MACROD2: variants seen among roughly 807,000 people sequenced by gnomAD.
The protein encoded by MACROD2 is ADP-ribose glycohydrolase MACROD2.
Under a neutral mutation model 70.4 loss-of-function variants are expected in MACROD2, and 36 were observed. The observed-to-expected ratio is 0.51, with a 90% CI of 0.39 to 0.68. The LOEUF is 0.68. Among genes scored for constraint, MACROD2 ranks in the 30% least tolerant of loss-of-function variants. The pLI is 0.00. For synonymous variants in MACROD2, 172 were observed against 178.8 expected (o/e 0.96, Z 0.30); for missense variants, 496 against 538.4 (o/e 0.92, Z 0.78).
intron 3 of MACROD2, among the ~76,000 whole-genome samples, chr20:14,479,329 C>G (rs1449917543): frequency 2.0e-5 from 3 of 152,124 alleles, no homozygotes; most frequent in Admixed American, 6.5e-5. Flanking sequence ...TGTCCTGTGT[C>G]TTCTGGTAGG....
intron 8 of MACROD2, among the ~76,000 whole-genome samples, chr20:15,766,595 A>C (rs889763785): frequency 1.3e-5 from 2 of 152,148 alleles, no homozygotes; most frequent in African/African-American, 4.8e-5. Context: ...CTCAAACCCC[A>C]GGAAGGGTGG....
At chr20:14,847,425 A>G (rs530727638) in intron 5 of MACROD2, among the ~76,000 whole-genome samples, 1 of 151,720 alleles carries the variant, frequency 6.6e-6, no homozygotes, top group African/African-American at 2.4e-5. Context: ...CAAGGAATTG[A>G]AGTTATCTTT....
At chr20:14,536,821 T>A (rs375087583) in intron 4 of MACROD2, among the ~76,000 whole-genome samples, 1 of 152,208 alleles carries the variant, frequency 6.6e-6, no homozygotes, top group South Asian at 2.1e-4. Context: ...TTGGTGCCCA[T>A]CTGCAGTAAA....
intron 3 of MACROD2, among the ~76,000 whole-genome samples, chr20:14,111,875 A>C (rs748603593): frequency 6.6e-6 from 1 of 152,054 alleles, no homozygotes; most frequent in Non-Finnish European, 1.5e-5. Context: ...AAAGAAAGGA[A>C]ATTGGTATAT....
chr20:14,757,622 A>C (rs935848233), intron 5 of MACROD2: 1 of 1,190,196 alleles, frequency 8.4e-7, no homozygotes, highest in Non-Finnish European at 1.2e-6. Context: ...GGAGGGAGTC[A>C]TGGTGGCCAA....
chr20:14,720,045 A>G (rs1471186599), intron 5 of MACROD2, among the ~76,000 whole-genome samples: 1 of 152,186 alleles, frequency 6.6e-6, no homozygotes, highest in Non-Finnish European at 1.5e-5. Flanking sequence ...CACTTTCTTG[A>G]AAAGCAATTG....
At chr20:15,713,148 T>A (rs2050653242) in intron 8 of MACROD2, among the ~76,000 whole-genome samples, 1 of 152,208 alleles carries the variant, frequency 6.6e-6, no homozygotes, top group Admixed American at 6.5e-5. Flanking sequence ...TGAGAATGTT[T>A]AAAAATATAT....
intron 4 of MACROD2, among the ~76,000 whole-genome samples, chr20:14,684,175 T>C (rs138755924): frequency 6.6e-6 from 1 of 152,146 alleles, no homozygotes; most frequent in Admixed American, 6.5e-5. Flanking sequence ...CAAGTGAGAG[T>C]AAGGGGTGGT....
chr20:14,666,836 T>C (rs146645031), intron 4 of MACROD2, among the ~76,000 whole-genome samples: 2 of 151,954 alleles, frequency 1.3e-5, no homozygotes, highest in East Asian at 3.9e-4. Flanking sequence ...CTGACAGGAA[T>C]GGTAGATTTA....
intron 7 of MACROD2, among the ~76,000 whole-genome samples, chr20:15,468,807 A>G (rs2146430100): frequency 6.6e-6 from 1 of 152,308 alleles, no homozygotes; most frequent in East Asian, 1.9e-4. Flanking sequence ...CTCCATGCAA[A>G]GTATCACTCT....
intron 5 of MACROD2, among the ~76,000 whole-genome samples, chr20:14,949,997 A>AT (rs895961049): frequency 1.3e-5 from 2 of 151,936 alleles, no homozygotes; most frequent in Non-Finnish European, 2.9e-5. Flanking sequence ...CAAATACAAT[A>AT]TTTTTTTTAG....
intron 3 of MACROD2, among the ~76,000 whole-genome samples, chr20:14,313,893 G>C (rs2082589516): frequency 6.6e-6 from 1 of 152,148 alleles, no homozygotes; most frequent in African/African-American, 2.4e-5. Flanking sequence ...GCAACATGCT[G>C]TTATAGTTAA....
At chr20:15,174,778 GT>G (rs1382315296) in intron 5 of MACROD2, among the ~76,000 whole-genome samples, 3 of 152,152 alleles carry the variant, frequency 2.0e-5, no homozygotes, top group Admixed American at 6.5e-5. Context: ...TTTTTCATGT[GT>G]TTTTTTGGCT....
chr20:14,045,759 A>G (rs1392866353), intron 2 of MACROD2, among the ~76,000 whole-genome samples: 1 of 148,218 alleles, frequency 6.7e-6, no homozygotes. Context: ...ATGTTTCAAA[A>G]GAATTAAAAG....
At chr20:15,098,859 T>C (rs1321362899) in intron 5 of MACROD2, among the ~76,000 whole-genome samples, 1 of 152,202 alleles carries the variant, frequency 6.6e-6, no homozygotes, top group African/African-American at 2.4e-5. Flanking sequence ...GAGCCAAAGC[T>C]CAGAAGTGAA....
At chr20:15,569,814 A>G (rs1390203303) in intron 8 of MACROD2, among the ~76,000 whole-genome samples, 3 of 152,298 alleles carry the variant, frequency 2.0e-5, no homozygotes, top group East Asian at 3.9e-4. Context: ...TGCAAATGAC[A>G]GGATTTCCTT....
intron 4 of MACROD2, among the ~76,000 whole-genome samples, chr20:14,572,646 T>A (rs1034023784): frequency 6.6e-6 from 1 of 152,120 alleles, no homozygotes; most frequent in African/African-American, 2.4e-5. Context: ...GTGATTCTGT[T>A]ATTCAAAAAT....
chr20:14,565,425 A>T (rs1291470889), intron 4 of MACROD2, among the ~76,000 whole-genome samples: 1 of 151,774 alleles, frequency 6.6e-6, no homozygotes, highest in Non-Finnish European at 1.5e-5. Context: ...TTGTAGCCAC[A>T]TTCATTTCCC....
At chr20:14,006,433 A>G (rs1012362076) in intron 2 of MACROD2, among the ~76,000 whole-genome samples, 1 of 152,198 alleles carries the variant, frequency 6.6e-6, no homozygotes, top group African/African-American at 2.4e-5. Flanking sequence ...TTATCTATAA[A>G]TGAGTATCTG....
Sources: gnomAD v4.1 joint callset for allele counts (sites outside exome capture counted in the v4.1 genomes callset) on GRCh38, gnomAD v4.1.1 for gene constraint, MANE v1.5 for transcripts, NCBI Gene and HGNC (gene_info 2026-07-23, HGNC 2026-07-21) for gene names.